Variants in TOX2 observed in about 807,000 individuals in gnomAD.
TOX2 encodes granulosa cell HMG box 1.
TOX2 carries 15 observed loss-of-function variants against 47.4 expected under a neutral mutation model. That is an observed-to-expected ratio of 0.32 (90% CI 0.21 to 0.49). TOX2 has a LOEUF of 0.49. TOX2 is among the 20% of genes least tolerant of loss of function. TOX2 has a pLI of 0.99. For missense variants in TOX2, 622 were observed against 673.1 expected (o/e 0.92, Z 0.84); for synonymous variants, 290 against 296.6 (o/e 0.98, Z 0.23).
intron 3 of TOX2, among the ~76,000 whole-genome samples, chr20:44,026,228 G>GATATATATATATATATATA (rs1555842271): frequency 3.3e-5 from 2 of 60,258 alleles, no homozygotes; most frequent in Non-Finnish European, 6.2e-5. Flanking sequence ...AAGAAACTGT[G>GATATATATATATATATATA]ATATATATAT....
chr20:44,040,153 C>T (rs1569124519), intron 3 of TOX2, among the ~76,000 whole-genome samples: 2 of 152,202 alleles, frequency 1.3e-5, no homozygotes, highest in South Asian at 2.1e-4. Context: ...CAACTTTCTT[C>T]TTCTAAAGGC....
At chr20:43,922,898 A>G (rs1383592221) in intron 1 of TOX2, among the ~76,000 whole-genome samples, 1 of 152,150 alleles carries the variant, frequency 6.6e-6, no homozygotes, top group African/African-American at 2.4e-5. Flanking sequence ...ACTCCAGAGG[A>G]AAGTTTTATT....
At chr20:43,994,946 A>G (rs2070445643) in intron 2 of TOX2, among the ~76,000 whole-genome samples, 2 of 151,896 alleles carry the variant, frequency 1.3e-5, no homozygotes, top group African/African-American at 4.8e-5. Context: ...AGGGTGTTAG[A>G]TGCACTCCTG....
chr20:44,042,530 T>C (rs6065690), intron 3 of TOX2, among the ~76,000 whole-genome samples: 101,061 of 152,148 alleles, frequency 0.66, 34,130 homozygotes, highest in East Asian at 0.79. Flanking sequence ...TGATTCAATG[T>C]GTTTAATAGG....
chr20:43,925,446 G>C (rs984191668), intron 1 of TOX2, among the ~76,000 whole-genome samples: 1 of 152,186 alleles, frequency 6.6e-6, no homozygotes, highest in East Asian at 1.9e-4. Context: ...TAGGCCAGCA[G>C]TTACCCCCAG....
intron 3 of TOX2, among the ~76,000 whole-genome samples, chr20:44,019,284 C>A (rs8122014): frequency 0.012 from 1,757 of 152,332 alleles, 33 homozygotes; most frequent in African/African-American, 0.04. Flanking sequence ...GAATTCTGCT[C>A]ATTTACAGAT....
At chr20:44,046,591 A>G (rs2145735294) in intron 3 of TOX2, among the ~76,000 whole-genome samples, 1 of 152,376 alleles carries the variant, frequency 6.6e-6, no homozygotes, top group Non-Finnish European at 1.5e-5. Flanking sequence ...TAGTCTATAC[A>G]TACAAGGGTG....
intron 1 of TOX2, among the ~76,000 whole-genome samples, chr20:43,934,242 G>T (rs528929748): frequency 6.6e-6 from 1 of 152,110 alleles, no homozygotes; most frequent in Non-Finnish European, 1.5e-5. Context: ...CTGGCAGAGG[G>T]AAACTTTAGG....
intron 3 of TOX2, among the ~76,000 whole-genome samples, chr20:44,009,187 A>G (rs1420669196): frequency 6.6e-6 from 1 of 152,166 alleles, no homozygotes. Context: ...ACGGCTTTAT[A>G]GTCAAACGAT....
chr20:44,034,936 CTA>C (rs1157014587), intron 3 of TOX2, among the ~76,000 whole-genome samples: 1 of 152,272 alleles, frequency 6.6e-6, no homozygotes, highest in Non-Finnish European at 1.5e-5. Flanking sequence ...GCTCCTCCTT[CTA>C]TGTCTCCACC....
At chr20:43,930,150 A>T (rs527758285) in intron 1 of TOX2, among the ~76,000 whole-genome samples, 1 of 152,326 alleles carries the variant, frequency 6.6e-6, no homozygotes, top group East Asian at 1.9e-4. Context: ...GACCTATAGT[A>T]GGTGCTCAGT....
chr20:43,983,789 T>C (rs1438442339), intron 2 of TOX2, among the ~76,000 whole-genome samples: 1 of 152,232 alleles, frequency 6.6e-6, no homozygotes, highest in East Asian at 1.9e-4. Flanking sequence ...TGGTCTCATT[T>C]CATCCTCACA....
chr20:43,942,090 C>T (rs772091176), intron 1 of TOX2, among the ~76,000 whole-genome samples: 3 of 152,176 alleles, frequency 2.0e-5, no homozygotes, highest in Non-Finnish European at 4.4e-5. Context: ...TTGTTTTGTG[C>T]AAGTGTGAGG....
chr20:43,920,300 A>T (rs1203693462), intron 1 of TOX2, among the ~76,000 whole-genome samples: 1 of 152,212 alleles, frequency 6.6e-6, no homozygotes, highest in Non-Finnish European at 1.5e-5. Context: ...TTAATGAATG[A>T]TTGAGGACTC....
intron 1 of TOX2, among the ~76,000 whole-genome samples, chr20:43,943,913 T>TA (rs2069433213): frequency 6.6e-6 from 1 of 152,218 alleles, no homozygotes; most frequent in Non-Finnish European, 1.5e-5. Context: ...CATCTTCTTA[T>TA]AAATAATGAT....
At chr20:43,936,636 C>G (rs2069330024) in intron 1 of TOX2, among the ~76,000 whole-genome samples, 1 of 152,134 alleles carries the variant, frequency 6.6e-6, no homozygotes, top group African/African-American at 2.4e-5. Flanking sequence ...GACCTCCTGT[C>G]CTCCAGCAGG....
chr20:44,003,371 T>G (rs955633602), intron 2 of TOX2, among the ~76,000 whole-genome samples: 4 of 151,778 alleles, frequency 2.6e-5, no homozygotes, highest in Admixed American at 2.6e-4. Context: ...TTTTTTTTTG[T>G]AGAGATGGGG....
rs374390354 is a variant in TOX2, at chr20:44,068,715, G to T, written c.*29G>T. On this transcript the variant is annotated 3_prime_UTR_variant, in exon 9 of 9. Coordinates refer to ENST00000341197, the MANE Select transcript of TOX2 (RefSeq NM_001098797.2). ...CGCCTCCCTACCATCCCTGAGGCTC[G>T]CTGGAAGGCACTGCTCAGAGCCTGA... 15 of 1,613,660 alleles carry T rather than the reference G, an allele frequency of 9.3e-6. No homozygotes were observed. The highest frequency in any genetic ancestry group is 1.3e-5 in the African/African-American group (1 of 74,870).
chr20:43,923,961 G>A (rs2145834562), intron 1 of TOX2, among the ~76,000 whole-genome samples: 1 of 152,304 alleles, frequency 6.6e-6, no homozygotes, highest in East Asian at 1.9e-4. Context: ...TGGAGGTGAG[G>A]GGACTGCCCA....
Sources: allele counts gnomAD v4.1 joint callset (sites outside exome capture counted in the v4.1 genomes callset), GRCh38; gene constraint gnomAD v4.1.1; transcripts MANE v1.5; gene names NCBI Gene and HGNC (gene_info 2026-07-23, HGNC 2026-07-21).